The following FEN1 variants were observed in gnomAD, a reference collection of about 807,000 sequenced individuals.
FEN1 encodes the protein flap structure-specific endonuclease 1.
FEN1 carries 19 observed loss-of-function variants against 24.7 expected under a neutral mutation model. The ratio of observed to expected loss-of-function variants is 0.77; its 90% CI spans 0.54 to 1.13. The LOEUF (loss-of-function observed/expected upper bound fraction) is 1.13, where lower values mean the gene tolerates loss of function less well. Ranked by LOEUF, FEN1 falls within the 50% of genes most tolerant of loss-of-function variation. The pLI is 0.00. For missense variants in FEN1, 339 were observed against 488.7 expected, an observed-to-expected ratio of 0.69 and a Z score of 2.89; for synonymous variants, 155 against 189.2, an observed-to-expected ratio of 0.82 and a Z score of 1.48.
At position 61,795,593 on chromosome 11, in the gene FEN1, G is replaced by A. The variant is rs2066815005; in HGVS notation, c.232G>A (p.Gly78Ser). 9.9e-6 allele frequency: 16 copies of A among 1,614,204 alleles called. No individual in the cohort carries two copies. Among genetic ancestry groups the A allele is most frequent in the Non-Finnish European group, 1.3e-5 (15 of 1,180,048 alleles). Reference sequence around the variant, plus strand: ...CCGCACCATTCGCATGATGGAGAACGGCATCAAGCCCGTGTATGTCTTTGA... The same window carrying A: ...CCGCACCATTCGCATGATGGAGAACAGCATCAAGCCCGTGTATGTCTTTGA... ...FYRTIRMMEN[G>S]IKPVYVFDGK... The change falls in exon 2 of 2, where the codon GGC becomes AGC. Residue 78 changes from glycine to serine, a missense_variant. Coordinates refer to ENST00000305885, the MANE Select transcript of FEN1 (RefSeq NM_004111.6). The surrounding 1 kb of genome is among the most constrained non-coding windows in gnomAD (Gnocchi z 4.1).
chr11:61,796,642 A>G lies in FEN1; in HGVS notation c.*138A>G. 1.0e-6 allele frequency: 1 copy of G among 961,556 alleles called. No homozygotes were observed. 59.6% of individuals were successfully genotyped at this position (961,556 alleles called of 1,614,324 possible). Reference sequence around the variant, plus strand: ...TAGCGTGACCCTTTTCAGTAGTGCTAGTCCCTTTTTTACTTGATCTTAATG... The same window carrying G: ...TAGCGTGACCCTTTTCAGTAGTGCTGGTCCCTTTTTTACTTGATCTTAATG... On this transcript the variant is annotated 3_prime_UTR_variant, in exon 2 of 2. Transcript: ENST00000305885.
chr11:61,796,274 G>A lies in FEN1; in HGVS notation c.913G>A (p.Glu305Lys). ...ELKWSEPNEE[E>K]LIKFMCGEKQ... Reference sequence around the variant, plus strand: ...GAAGTGGAGCGAGCCAAATGAAGAAGAGCTGATCAAGTTCATGTGTGGTGA... The same window carrying A: ...GAAGTGGAGCGAGCCAAATGAAGAAAAGCTGATCAAGTTCATGTGTGGTGA... Residue 305 changes from glutamate (E) to lysine (K), a missense_variant, in exon 2 of 2, where the codon GAG becomes AAG. Coordinates refer to ENST00000305885, the MANE Select transcript of FEN1 (RefSeq NM_004111.6). 6.2e-7 allele frequency: 1 copy of A among 1,612,688 alleles called. No individual in the cohort carries two copies. Among genetic ancestry groups the A allele is most frequent in the Non-Finnish European group, 8.5e-7 (1 of 1,180,044 alleles).
In FEN1 at chr11:61,796,167, C is replaced by T. The variant is rs138109450; in HGVS notation, c.806C>T (p.Pro269Leu). ...IVRRLDPNKY[P>L]VPENWLHKEA... ...CGGCGACTTGACCCCAACAAGTACC[C>T]TGTGCCAGAAAATTGGCTCCACAAG... is the stretch of plus-strand genomic sequence containing the variant. The change falls in exon 2 of 2, where the codon CCT (proline) becomes CTT (leucine). Residue 269 changes from proline to leucine, a missense_variant. Pro to Leu is a moderately conservative substitution (Grantham distance 98, BLOSUM62 -3). This residue lies in a region of FEN1 where 70 missense variants were observed against 64.9 expected (regional missense o/e 1.08). Transcript: ENST00000305885. 682 of 1,613,928 alleles carry T rather than the reference C, an allele frequency of 4.2e-4. No individual in the cohort carries two copies. The highest frequency in any genetic ancestry group is 8.4e-4 in the Middle Eastern group (5 of 5,934).
At position 61,795,847 on chromosome 11, in the gene FEN1, C is replaced by T; in HGVS notation, c.486C>T (p.Ser162=). The T allele has an allele frequency of 6.2e-7, 1 of 1,614,020 alleles. No individual in the cohort carries two copies. The highest frequency in any genetic ancestry group is 8.5e-7 in the Non-Finnish European group (1 of 1,180,046). ...ATGCACCCAGTGAGGCAGAGGCCAGCTGTGCTGCCCTGGTGAAGGCTGGCA... is the reference window on the plus strand; with the variant it reads ...ATGCACCCAGTGAGGCAGAGGCCAGTTGTGCTGCCCTGGTGAAGGCTGGCA... The part of the protein sequence containing the change: ...YLDAPSEAEA[S]CAALVKAGKV... Residue 162 remains serine (S), a synonymous_variant, in exon 2 of 2, where the codon AGC becomes AGT. Transcript: ENST00000305885. This position sits in a 1 kb window ranked among gnomAD's most constrained non-coding sequence, Gnocchi z 4.1.
rs771800022 is a variant in FEN1 at position 61,795,503 on chromosome 11, C to T, written c.142C>T (p.Gln48Ter). The change falls in exon 2 of 2, where the codon CAG becomes TAG. Residue 48 changes from glutamine (Q) to a stop codon, truncating the protein, a stop_gained. Coordinates refer to ENST00000305885, the MANE Select transcript of FEN1 (RefSeq NM_004111.6). LOFTEE classifies it high-confidence loss of function. The surrounding 1 kb of genome is among the most constrained non-coding windows in gnomAD (Gnocchi z 4.1). ...SIYQFLIAVR[Q>*]GGDVLQNEEG... Reference sequence around the variant, plus strand: ...TTATCAGTTCCTGATTGCTGTTCGCCAGGGTGGGGATGTGCTGCAGAATGA... The same window carrying T: ...TTATCAGTTCCTGATTGCTGTTCGCTAGGGTGGGGATGTGCTGCAGAATGA... 1 of 1,614,152 alleles carries T rather than the reference C, an allele frequency of 6.2e-7. No individual in the cohort carries two copies. The highest frequency in any genetic ancestry group is 1.1e-5 in the South Asian group (1 of 91,076).
chr11:61,795,036 G>A lies in FEN1; in HGVS notation c.-21-305G>A, dbSNP rs2066811598. On this transcript the variant is annotated intron_variant, in intron 1 of 1. Coordinates refer to ENST00000305885, the MANE Select transcript of FEN1 (RefSeq NM_004111.6). The surrounding 1 kb of genome is among the most constrained non-coding windows in gnomAD (Gnocchi z 4.1). ...CTGGCCTTCTGTGGTCCTTGATGGA[G>A]ACCTATGTTGCAGGTTTTTTTTGTG... 6.6e-6 allele frequency among the ~76,000 whole-genome samples: 1 copy of A among 152,184 alleles called. No homozygotes were observed. The highest frequency in any genetic ancestry group is 2.4e-5 in the African/African-American group (1 of 41,438).
At position 61,795,574 on chromosome 11, in the gene FEN1, C is replaced by T. The variant is rs2066814826; in HGVS notation, c.213C>T (p.Thr71=). ...TSHLMGMFYR[T]IRMMENGIKP... is the part of the protein sequence containing the mutation. Reference sequence around the variant, plus strand: ...ACCTGATGGGCATGTTCTACCGCACCATTCGCATGATGGAGAACGGCATCA... The same window carrying T: ...ACCTGATGGGCATGTTCTACCGCACTATTCGCATGATGGAGAACGGCATCA... Residue 71 remains threonine, a synonymous_variant, in exon 2 of 2, where the codon ACC becomes ACT. Transcript: ENST00000305885. This position sits in a 1 kb window ranked among gnomAD's most constrained non-coding sequence, Gnocchi z 4.1. The T allele has an allele frequency of 1.9e-6, 3 of 1,614,168 alleles. No homozygotes were observed. Among genetic ancestry groups the T allele is most frequent in the Non-Finnish European group, 1.7e-6 (2 of 1,180,032 alleles).
chr11:61,796,163 T>C lies in FEN1; in HGVS notation c.802T>C (p.Tyr268His), dbSNP rs1160272664. 1 of 1,614,018 alleles carries C rather than the reference T, an allele frequency of 6.2e-7. No individual in the cohort carries two copies. The highest frequency in any genetic ancestry group is 1.1e-5 in the South Asian group (1 of 91,068). ...EIVRRLDPNKYPVPENWLHKE... is the reference protein window; with the variant it reads ...EIVRRLDPNKHPVPENWLHKE... ...CGTGCGGCGACTTGACCCCAACAAG[T>C]ACCCTGTGCCAGAAAATTGGCTCCA... The change falls in exon 2 of 2, where the codon TAC (tyrosine) becomes CAC (histidine). Residue 268 changes from tyrosine to histidine, a missense_variant. Tyr to His is a moderately conservative substitution (Grantham distance 83, BLOSUM62 2). Transcript: ENST00000305885.
In FEN1 at chr11:61,795,844, C is replaced by A; in HGVS notation, c.483C>A (p.Ala161=). The stretch of plus-strand genomic sequence containing the variant: ...TTGATGCACCCAGTGAGGCAGAGGC[C>A]AGCTGTGCTGCCCTGGTGAAGGCTG... ...PYLDAPSEAE[A]SCAALVKAGK... is the part of the protein sequence containing the mutation. The change falls in exon 2 of 2, where the codon GCC becomes GCA. Residue 161 remains alanine, a synonymous_variant. Coordinates refer to ENST00000305885, the MANE Select transcript of FEN1 (RefSeq NM_004111.6). The surrounding 1 kb of genome is among the most constrained non-coding windows in gnomAD (Gnocchi z 4.1). 1 of 1,614,044 alleles carries A rather than the reference C, an allele frequency of 6.2e-7. No individual in the cohort carries two copies.
chr11:61,796,718 C>T lies in FEN1; in HGVS notation c.*214C>T. 1.7e-6 allele frequency: 1 copy of T among 584,160 alleles called. No individual in the cohort carries two copies. Among genetic ancestry groups the T allele is most frequent in the South Asian group, 2.3e-5 (1 of 43,762 alleles). 36.2% of individuals were successfully genotyped at this position (584,160 alleles called of 1,614,324 possible). On this transcript the variant is annotated 3_prime_UTR_variant, in exon 2 of 2. Transcript: ENST00000305885. ...CCTTTTTTAGCTCAGGAAAATATGT[C>T]AGGCTCAAACCACTTCTCAGGCAGT...
rs1054970256 is a variant in FEN1, at chr11:61,796,643, G to A, written c.*139G>A. ...AGCGTGACCCTTTTCAGTAGTGCTA[G>A]TCCCTTTTTTACTTGATCTTAATGG... On this transcript the variant is annotated 3_prime_UTR_variant, in exon 2 of 2. Transcript: ENST00000305885. The A allele has an allele frequency of 9.4e-6, 9 of 956,396 alleles. No individual in the cohort carries two copies. In the African/African-American group the frequency reaches 1.2e-4, roughly 12 times the overall value. 59.2% of individuals were successfully genotyped at this position (956,396 alleles called of 1,614,324 possible).
chr11:61,795,086 A>C lies in FEN1; in HGVS notation c.-21-255A>C, dbSNP rs548719187. Among the ~76,000 whole-genome samples the C allele has an allele frequency of 1.3e-5, 2 of 152,342 alleles. No individual in the cohort carries two copies. Among genetic ancestry groups the C allele is most frequent in the Non-Finnish European group, 2.9e-5 (2 of 68,032 alleles). On this transcript the variant is annotated intron_variant, in intron 1 of 1. Coordinates refer to ENST00000305885, the MANE Select transcript of FEN1 (RefSeq NM_004111.6). This position sits in a 1 kb window ranked among gnomAD's most constrained non-coding sequence, Gnocchi z 4.1. ...GTAATAAATAATGCTGCTACCTTAG[A>C]ATATCAACAGTATCTTATTTCTCTA...
At chr11:61,794,719 T>C (rs1333365910) in intron 1 of FEN1, among the ~76,000 whole-genome samples, 1 of 152,094 alleles carries the variant, frequency 6.6e-6, no homozygotes, top group Non-Finnish European at 1.5e-5. Flanking sequence ...CATTTCAGAC[T>C]GAGTGGTGGC....
At position 61,794,525 on chromosome 11, in the gene FEN1, A is replaced by T. The variant is rs147185298; in HGVS notation, c.-21-816A>T. On this transcript the variant is annotated intron_variant, in intron 1 of 1. Coordinates refer to ENST00000305885, the MANE Select transcript of FEN1 (RefSeq NM_004111.6). ...TATGAGTTTTCCAGTTTAGTTTTTTAAAAAAAATTCTAAGTGAATGAAAGT... is the reference window on the plus strand; with the variant it reads ...TATGAGTTTTCCAGTTTAGTTTTTTTAAAAAAATTCTAAGTGAATGAAAGT... Among the ~76,000 whole-genome samples the T allele has an allele frequency of 4.1e-3, 628 of 152,172 alleles. 3 individuals are homozygous for T. The highest frequency in any genetic ancestry group is 0.014 in the African/African-American group (587 of 41,528).
Position 61,796,983 on chromosome 11 carries a change from C to G in FEN1, c.*479C>G, listed in dbSNP as rs908016294. The G allele has an allele frequency of 5.8e-6, 1 of 173,070 alleles. No homozygotes were observed. The highest frequency in any genetic ancestry group is 2.4e-5 in the African/African-American group (1 of 41,450). The allele number at this position is 173,070 out of a possible 1,614,324, so 10.7% of individuals were successfully genotyped here. A position where few individuals can be genotyped will look rare whatever the true frequency, so the allele number is the denominator to read the frequency against. Reference sequence around the variant, plus strand: ...GCATCTTAGCAGATGGGAGGAACTGCTGAGAGAAGATGGGCAGAAAGCTGG... The same window carrying G: ...GCATCTTAGCAGATGGGAGGAACTGGTGAGAGAAGATGGGCAGAAAGCTGG... On this transcript the variant is annotated 3_prime_UTR_variant, in exon 2 of 2. Transcript: ENST00000305885.
chr11:61,796,094 CG>C lies in FEN1; in HGVS notation c.736del (p.Ala246LeufsTer51). 1 of 1,614,170 alleles carries C rather than the reference CG, an allele frequency of 6.2e-7. No homozygotes were observed. Among genetic ancestry groups the C allele is most frequent in the East Asian group, 2.2e-5 (1 of 44,884 alleles). Reference sequence around the variant, plus strand: ...GAGTATCCGGGGTATTGGGCCCAAGCGGGCTGTGGACCTCATCCAGAAGCAC... The same window carrying C: ...GAGTATCCGGGGTATTGGGCCCAAGCGGCTGTGGACCTCATCCAGAAGCAC... ...CESIRGIGPK[R>X]AVDLIQKHKS... is the part of the protein sequence containing the mutation. On this transcript the variant is annotated frameshift_variant, in exon 2 of 2. Transcript: ENST00000305885. LOFTEE classifies it high-confidence loss of function.
At position 61,796,137 on chromosome 11, in the gene FEN1, T is replaced by C; in HGVS notation, c.776T>C (p.Ile259Thr). Reference sequence around the variant, plus strand: ...CAGAAGCACAAGAGCATCGAGGAGATCGTGCGGCGACTTGACCCCAACAAG... The same window carrying C: ...CAGAAGCACAAGAGCATCGAGGAGACCGTGCGGCGACTTGACCCCAACAAG... The part of the protein sequence containing the change: ...LIQKHKSIEE[I>T]VRRLDPNKYP... Residue 259 changes from isoleucine to threonine, a missense_variant, in exon 2 of 2, where the codon ATC becomes ACC. Transcript: ENST00000305885. 1 of 1,614,036 alleles carries C rather than the reference T, an allele frequency of 6.2e-7. No homozygotes were observed. The highest frequency in any genetic ancestry group is 8.5e-7 in the Non-Finnish European group (1 of 1,179,998).
intron 1 of FEN1, among the ~76,000 whole-genome samples, chr11:61,794,483 A>G (rs1183606357): frequency 6.6e-6 from 1 of 152,354 alleles, no homozygotes; most frequent in Non-Finnish European, 1.5e-5. Flanking sequence ...AACTAATAGA[A>G]CACAAATATT....
At chr11:61,794,730 G>A (rs2066810203) in intron 1 of FEN1, among the ~76,000 whole-genome samples, 1 of 152,124 alleles carries the variant, frequency 6.6e-6, no homozygotes, top group Non-Finnish European at 1.5e-5. Context: ...GAGTGGTGGC[G>A]AGAAAACGCA....
Sources: allele counts gnomAD v4.1 joint callset (sites outside exome capture counted in the v4.1 genomes callset), GRCh38; gene constraint gnomAD v4.1.1; regional missense constraint gnomAD v4.1.1; non-coding constraint Gnocchi (gnomAD v3.1); transcripts MANE v1.5; gene names NCBI Gene and HGNC (gene_info 2026-07-23, HGNC 2026-07-21).